Variants in FBN1 observed in about 807,000 individuals in gnomAD.
FBN1 encodes the protein fibrillin-1.
FBN1 carries 29 observed loss-of-function variants against 365.1 expected under a neutral mutation model. That is an observed-to-expected ratio of 0.08 (90% confidence interval 0.06 to 0.11). FBN1 has a LOEUF of 0.11. FBN1 is among the 10% of genes least tolerant of loss of function. The pLI is 1.00. For missense variants in FBN1, 2,476 were observed against 3,703.2 expected, an observed-to-expected ratio of 0.67 and a Z score of 8.60; for synonymous variants, 1,210 against 1,270.5, an observed-to-expected ratio of 0.95 and a Z score of 1.01.
At chr15:48,412,324 T>C (rs564827058) in intron 65 of FBN1, among the ~76,000 whole-genome samples, 3 of 152,312 alleles carry the variant, frequency 2.0e-5, no homozygotes, top group South Asian at 2.1e-4. Flanking sequence ...TTTGACTTTT[T>C]TTTGGCGAGA....
intron 34 of FBN1, among the ~76,000 whole-genome samples, chr15:48,473,700 T>A (rs1436139318): frequency 6.6e-6 from 1 of 152,140 alleles, no homozygotes; most frequent in Non-Finnish European, 1.5e-5. Context: ...GAGAAATACA[T>A]ACTGTTCTTC....
chr15:48,428,566 C>T, intron 56 of FBN1, 95 bp from the exon 57 acceptor site: 2 of 1,347,956 alleles, frequency 1.5e-6, no homozygotes, highest in Non-Finnish European at 1.1e-6. Flanking sequence ...CTTCCTCCCT[C>T]CCTCCTTCCC....
Position 48,467,590 on chromosome 15 carries a change from C to T in FBN1, c.4747+348G>A, listed in dbSNP as rs113091558. Among the ~76,000 whole-genome samples, 463 of 152,260 alleles carry T rather than the reference C, an allele frequency of 3.0e-3. 5 individuals are homozygous for T. Among genetic ancestry groups the T allele is most frequent in the African/African-American group, 0.011 (442 of 41,556 alleles). ...TCAAACCCCGGGACACTGAGTCTGG[C>T]GTACAGCCTTCCAAACTAGTCAATA... On this transcript the variant is annotated intron_variant, in intron 38 of 65. Transcript: ENST00000316623.
intron 32 of FBN1, among the ~76,000 whole-genome samples, chr15:48,481,305 T>C (rs145764876): frequency 3.3e-5 from 5 of 152,336 alleles, no homozygotes; most frequent in Non-Finnish European, 7.4e-5. Flanking sequence ...AAGGAGGTTA[T>C]TGGAAAAGGC....
chr15:48,496,129 A>G lies in FBN1; in HGVS notation c.2390T>C (p.Ile797Thr). 1 of 1,613,880 alleles carries G rather than the reference A, an allele frequency of 6.2e-7. No individual in the cohort carries two copies. The highest frequency in any genetic ancestry group is 8.5e-7 in the Non-Finnish European group (1 of 1,179,832). Residue 797 changes from isoleucine (I) to threonine (T), a missense_variant, in exon 20 of 66, where the codon ATC becomes ACC. Physicochemically the swap from Ile to Thr is moderately conservative, Grantham distance 89. Coordinates refer to ENST00000316623, the MANE Select transcript of FBN1 (RefSeq NM_000138.5). ...ACATGTTTTTAGATCAGGTTTGTAG[A>G]TAAATCCCTTGGGGCAGGTACAGAC... ...SFVCTCPKGFIYKPDLKTCED... is the reference protein window; with the variant it reads ...SFVCTCPKGFTYKPDLKTCED...
chr15:48,419,351 T>A (rs1237357519), intron 63 of FBN1, among the ~76,000 whole-genome samples: 1 of 152,130 alleles, frequency 6.6e-6, no homozygotes, highest in Non-Finnish European at 1.5e-5. Flanking sequence ...AGGAGCGACA[T>A]ACCTTTCCTC....
intron 2 of FBN1, among the ~76,000 whole-genome samples, chr15:48,635,147 T>C (rs1477239919): frequency 6.6e-6 from 1 of 152,218 alleles, no homozygotes; most frequent in Non-Finnish European, 1.5e-5. Flanking sequence ...AATGTTGAAC[T>C]AAACCACTTG....
chr15:48,497,130 T>C, intron 19 of FBN1, 136 bp downstream of exon 19: 1 of 953,176 alleles, frequency 1.0e-6, no homozygotes, highest in East Asian at 2.4e-5. Context: ...GATATGTATA[T>C]GCTGTGCTAA....
chr15:48,477,667 C>G (rs988057895), intron 32 of FBN1, among the ~76,000 whole-genome samples: 2 of 152,260 alleles, frequency 1.3e-5, no homozygotes, highest in African/African-American at 4.8e-5. Flanking sequence ...AAACACTCTT[C>G]AATAACATGA....
intron 48 of FBN1, 38 bp from the exon 49 acceptor site, chr15:48,444,698 C>T (rs1219822273): frequency 6.2e-7 from 1 of 1,609,890 alleles, no homozygotes; most frequent in South Asian, 1.1e-5. Flanking sequence ...GAGGTTCCCA[C>T]TGGCATGACT....
Position 48,489,200 on chromosome 15 carries a change from A to ATTTT in FBN1, c.3082+647_3082+650dup, listed in dbSNP as rs756179079. Among the ~76,000 whole-genome samples the ATTTT allele has an allele frequency of 2.1e-3, 101 of 48,452 alleles. 4 individuals carry two copies. The highest frequency in any genetic ancestry group is 7.3e-3 in the African/African-American group (89 of 12,116). The allele number at this position is 48,452 out of a possible 152,430, so 31.8% of individuals were successfully genotyped here. A position where few individuals can be genotyped will look rare whatever the true frequency, so the allele number is the denominator to read the frequency against. On this transcript the variant is annotated intron_variant, in intron 25 of 65. Transcript: ENST00000316623. ...CAGGTGTGCACCACCATGCCTAGAT[A>ATTTT]TTTTTTTTTTTTTTTTTTTTTTTTT...
intron 8 of FBN1, among the ~76,000 whole-genome samples, chr15:48,526,756 G>A (rs929640378): frequency 1.3e-5 from 2 of 152,176 alleles, no homozygotes; most frequent in Non-Finnish European, 2.9e-5. Context: ...GGTGTTCTCA[G>A]TGGCACCCAA....
chr15:48,563,567 A>T (rs1192742873), intron 6 of FBN1, among the ~76,000 whole-genome samples: 3 of 152,326 alleles, frequency 2.0e-5, no homozygotes, highest in East Asian at 3.9e-4. Context: ...AAAATATTTT[A>T]AAAATTTCCA....
rs185378063 is a variant in FBN1, at chr15:48,553,601, C to T, written c.539-15793G>A. Reference sequence around the variant, plus strand: ...GTTTTGGCTCAGGGAACGGGAGAATCAAGGGTAGTAAATGAACTTATATAA... The same window carrying T: ...GTTTTGGCTCAGGGAACGGGAGAATTAAGGGTAGTAAATGAACTTATATAA... On this transcript the variant is annotated intron_variant, in intron 6 of 65. Coordinates refer to ENST00000316623, the MANE Select transcript of FBN1 (RefSeq NM_000138.5). Among the ~76,000 whole-genome samples, 73 of 152,242 alleles carry T rather than the reference C, an allele frequency of 4.8e-4. 1 individual carries two copies. In the East Asian group the frequency reaches 0.011, roughly 22 times the overall value.
In FBN1 at chr15:48,492,618, T is replaced by C. The variant is rs1476550351; in HGVS notation, c.2729-32A>G. On this transcript the variant is annotated intron_variant, in intron 23 of 65. Coordinates refer to ENST00000316623, the MANE Select transcript of FBN1 (RefSeq NM_000138.5). ...AGAAAAAAAAAGTATAAAGTTAATA[T>C]ATCTTTATAATATCATTCTACCTTA... The C allele has an allele frequency of 3.5e-6, 5 of 1,419,348 alleles. No individual in the cohort carries two copies. In the African/African-American group the frequency reaches 7.2e-5, roughly 20 times the overall value. 87.9% of individuals were successfully genotyped at this position (1,419,348 alleles called of 1,614,324 possible). A position where few individuals can be genotyped will look rare whatever the true frequency, so the allele number is the denominator to read the frequency against.
chr15:48,593,865 T>C (rs2044497840), intron 6 of FBN1, among the ~76,000 whole-genome samples: 1 of 152,018 alleles, frequency 6.6e-6, no homozygotes, highest in Non-Finnish European at 1.5e-5. Flanking sequence ...GAAAGGAAAG[T>C]AGTAAAGGCC....
At chr15:48,507,847 G>A (rs2043723493) in intron 15 of FBN1, among the ~76,000 whole-genome samples, 1 of 152,114 alleles carries the variant, frequency 6.6e-6, no homozygotes, top group Non-Finnish European at 1.5e-5. Context: ...CCTGGACCAA[G>A]TGCAGTAATC....
intron 6 of FBN1, among the ~76,000 whole-genome samples, chr15:48,543,438 T>G (rs544315036): frequency 2.9e-4 from 44 of 152,340 alleles, no homozygotes; most frequent in Non-Finnish European, 5.1e-4. Context: ...CGTCTGAAAT[T>G]CTTCCGGGAC....
chr15:48,413,522 C>T (rs1367000217), intron 64 of FBN1, among the ~76,000 whole-genome samples: 1 of 152,098 alleles, frequency 6.6e-6, no homozygotes, highest in Admixed American at 6.6e-5. Flanking sequence ...GAGGGAGGCT[C>T]GAATGTTTCA....
Sources: allele counts gnomAD v4.1 joint callset (sites outside exome capture counted in the v4.1 genomes callset), GRCh38; gene constraint gnomAD v4.1.1; transcripts MANE v1.5; gene names NCBI Gene and HGNC (gene_info 2026-07-23, HGNC 2026-07-21).